PLEKHD1: variants seen among roughly 807,000 people sequenced by gnomAD.
PLEKHD1 encodes pleckstrin homology domain-containing family D member 1.
In PLEKHD1, 51 loss-of-function variants were observed where a neutral mutation model predicts 69.2. The ratio of observed to expected loss-of-function variants is 0.74; its 90% CI spans 0.59 to 0.93. The LOEUF is 0.93. PLEKHD1 is among the 40% of genes least tolerant of loss of function. The pLI, the probability that PLEKHD1 is intolerant of heterozygous loss-of-function variation, is 0.00. For missense variants in PLEKHD1, 584 were observed against 641.0 expected, an observed-to-expected ratio of 0.91 and a Z score of 0.96; for synonymous variants, 236 against 244.7, an observed-to-expected ratio of 0.96 and a Z score of 0.33.
upstream of PLEKHD1, among the ~76,000 whole-genome samples, chr14:69,482,938 GAAAGA>G (rs1210222542): frequency 1.3e-5 from 2 of 150,470 alleles, no homozygotes; most frequent in African/African-American, 2.4e-5. Flanking sequence ...AAAGAAAAAA[GAAAGA>G]AAAGAAAAGC....
chr14:69,508,360 T>G (rs1463832459), intron 6 of PLEKHD1, among the ~76,000 whole-genome samples: 1 of 151,540 alleles, frequency 6.6e-6, no homozygotes, highest in Non-Finnish European at 1.5e-5. Flanking sequence ...GAGCCGAGAT[T>G]GTGCCACAGC....
At chr14:69,502,124 C>T (rs916459251) in intron 5 of PLEKHD1, 8 of 248,350 alleles carry the variant, frequency 3.2e-5, no homozygotes, top group Non-Finnish European at 5.4e-5. Context: ...GCCTCAATTT[C>T]CTCATCCTTA....
Position 69,500,999 on chromosome 14 carries a change from G to A in PLEKHD1, c.410+52G>A, listed in dbSNP as rs527362532. ...CCTGCAGATCCAGGATGGGGTGGGC[G>A]GGGCTGCCCCTGAACTCCCTGCCTC... On this transcript the variant is annotated intron_variant, in intron 4 of 12. Transcript: ENST00000322564. 104 of 1,519,024 alleles carry A rather than the reference G, an allele frequency of 6.8e-5. No individual in the cohort carries two copies. In the South Asian group the frequency reaches 1.1e-3, roughly 16 times the overall value. The allele number at this position is 1,519,024 out of a possible 1,614,324, so 94.1% of individuals were successfully genotyped here.
intron 5 of PLEKHD1, 185 bp downstream of exon 5, chr14:69,502,010 A>C (rs1307581795): frequency 1.9e-5 from 10 of 520,656 alleles, no homozygotes; most frequent in Non-Finnish European, 3.4e-5. Context: ...AACATGACTG[A>C]AGGCAGGAGC....
rs376494569 is a variant in PLEKHD1 at position 69,509,589 on chromosome 14, CT to C, written c.555+6720del. 6.1e-4 allele frequency among the ~76,000 whole-genome samples: 90 copies of C among 148,628 alleles called. No individual in the cohort carries two copies. The East Asian group carries it at 0.01, about 17-fold the overall frequency. On this transcript the variant is annotated intron_variant, in intron 6 of 12. Coordinates refer to ENST00000322564, the MANE Select transcript of PLEKHD1 (RefSeq NM_001161498.2). ...AAAGTGTTTAAGGTCTGTGTAGAGTCTTTTTTTTTTCTTTTGCATGTGGCTG... is the reference window on the plus strand; with the variant it reads ...AAAGTGTTTAAGGTCTGTGTAGAGTCTTTTTTTTTCTTTTGCATGTGGCTG...
intron 1 of PLEKHD1, among the ~76,000 whole-genome samples, chr14:69,486,534 G>A (rs1217843697): frequency 1.3e-5 from 2 of 152,118 alleles, no homozygotes; most frequent in Non-Finnish European, 2.9e-5. Flanking sequence ...GAGCTGGGGT[G>A]GAAAGGCTGT....
chr14:69,480,154 G>A (rs1462404834), upstream of PLEKHD1, among the ~76,000 whole-genome samples: 1 of 152,226 alleles, frequency 6.6e-6, no homozygotes, highest in Non-Finnish European at 1.5e-5. Context: ...AGGAGGGTAT[G>A]GTTTCAGCTG....
Position 69,527,841 on chromosome 14 carries a change from G to A in PLEKHD1, c.1260G>A (p.Met420Ile). Residue 420 changes from methionine (M) to isoleucine (I), a missense_variant, in exon 12 of 13, where the codon ATG becomes ATA. By Grantham distance (10) the Met-to-Ile change is conservative (BLOSUM62 1). Coordinates refer to ENST00000322564, the MANE Select transcript of PLEKHD1 (RefSeq NM_001161498.2). ...TGGAGGCCAAGATGCCTGTGATCAT[G>A]AAGAACTCCGTGTACATCCATAAGG... ...AELEAKMPVI[M>I]KNSVYIHKAA... 3 of 1,551,528 alleles carry A rather than the reference G, an allele frequency of 1.9e-6. No individual in the cohort carries two copies. Among genetic ancestry groups the A allele is most frequent in the African/African-American group, 2.7e-5 (2 of 73,180 alleles).
chr14:69,479,537 T>C, the PLEKHD1 span, among the ~76,000 whole-genome samples: 1 of 152,056 alleles, frequency 6.6e-6, no homozygotes, highest in East Asian at 1.9e-4. Flanking sequence ...CCAGGCATGG[T>C]GGTGTGGACC....
chr14:69,489,857 TTTTG>T (rs61589610), intron 1 of PLEKHD1, among the ~76,000 whole-genome samples: 48,265 of 151,144 alleles, frequency 0.32, 7,773 homozygotes, highest in Middle Eastern at 0.42. Flanking sequence ...TATATATATT[TTTTG>T]TTTGTTTGTT....
intron 6 of PLEKHD1, among the ~76,000 whole-genome samples, chr14:69,513,933 T>C (rs780186496): frequency 1.5e-4 from 23 of 152,236 alleles, no homozygotes; most frequent in Admixed American, 2.6e-4. Context: ...CTTGCTTTCA[T>C]GGTTTCTGAG....
Position 69,503,294 on chromosome 14 carries a change from G to C in PLEKHD1, c.555+415G>C, listed in dbSNP as rs1883071225. 14 of 229,596 alleles carry C rather than the reference G, an allele frequency of 6.1e-5. No homozygotes were observed. In the South Asian group the frequency reaches 9.0e-4, roughly 15 times the overall value. 14.2% of individuals were successfully genotyped at this position (229,596 alleles called of 1,614,324 possible). On this transcript the variant is annotated intron_variant, in intron 6 of 12. Coordinates refer to ENST00000322564, the MANE Select transcript of PLEKHD1 (RefSeq NM_001161498.2). ...TTCCTTCATTCTCTGAATGTCAAAAGTCCACAGCAGGCTAAGCACTGGCTT... is the reference window on the plus strand; with the variant it reads ...TTCCTTCATTCTCTGAATGTCAAAACTCCACAGCAGGCTAAGCACTGGCTT...
chr14:69,484,797 G>C lies in PLEKHD1; in HGVS notation c.-169G>C, dbSNP rs893479221. ...GCTACGCGCCCTGCGCCCCCTTGGT[G>C]CCGCGTCCAGTGCCCAGCGCGCTTT... On this transcript the variant is annotated 5_prime_UTR_variant, in exon 1 of 13. Transcript: ENST00000322564. The C allele has an allele frequency of 1.6e-5, 12 of 728,134 alleles. No individual in the cohort carries two copies. The highest frequency in any genetic ancestry group is 2.3e-5 in the Non-Finnish European group (11 of 471,380). The allele number at this position is 728,134 out of a possible 1,614,324, so 45.1% of individuals were successfully genotyped here. A position where few individuals can be genotyped will look rare whatever the true frequency, so the allele number is the denominator to read the frequency against.
chr14:69,501,276 TG>T (rs1883019186), intron 4 of PLEKHD1: 5 of 403,946 alleles, frequency 1.2e-5, no homozygotes, highest in Non-Finnish European at 1.8e-5. Flanking sequence ...GCTAGTGCTT[TG>T]TAAATTAGGG....
At position 69,491,590 on chromosome 14, in the gene PLEKHD1, C is replaced by A. The variant is rs79672771; in HGVS notation, c.149+6476C>A. On this transcript the variant is annotated intron_variant, in intron 1 of 12. Transcript: ENST00000322564. ...CATCTCCAAACATTAGGGAGCTCAC[C>A]TGAGTGGACAGAGACTGGATAGGCC... Among the ~76,000 whole-genome samples the A allele has an allele frequency of 2.5e-3, 378 of 152,322 alleles. 2 individuals are homozygous for A. Among genetic ancestry groups the A allele is most frequent in the African/African-American group, 7.3e-3 (303 of 41,564 alleles).
intron 12 of PLEKHD1, 131 bp from the exon 13 acceptor site, chr14:69,528,119 G>A: frequency 7.1e-7 from 1 of 1,403,766 alleles, no homozygotes; most frequent in Non-Finnish European, 9.6e-7. Flanking sequence ...GGAAGCCCGT[G>A]TGTGTGGGAA....
intron 6 of PLEKHD1, among the ~76,000 whole-genome samples, chr14:69,516,878 C>T (rs1883395852): frequency 6.6e-6 from 1 of 152,102 alleles, no homozygotes; most frequent in African/African-American, 2.4e-5. Flanking sequence ...ACCATATTAC[C>T]CAGGCTGGCC....
chr14:69,502,916 G>A (rs1260310190), intron 6 of PLEKHD1, 37 bp downstream of exon 6: 2 of 1,549,756 alleles, frequency 1.3e-6, no homozygotes, highest in Non-Finnish European at 1.7e-6. Flanking sequence ...CAGCCGTGGT[G>A]TAATGGCTCA....
the PLEKHD1 span, among the ~76,000 whole-genome samples, chr14:69,468,445 A>G: frequency 2.0e-5 from 3 of 152,224 alleles, no homozygotes; most frequent in East Asian, 1.9e-4. Flanking sequence ...TTCAACTGTA[A>G]TTATCTCTGG....
Sources: allele counts gnomAD v4.1 joint callset (sites outside exome capture counted in the v4.1 genomes callset), GRCh38; gene constraint gnomAD v4.1.1; transcripts MANE v1.5; gene names NCBI Gene and HGNC (gene_info 2026-07-23, HGNC 2026-07-21).